Variants in WNK2 observed in about 807,000 individuals in gnomAD.
The protein encoded by WNK2 is WNK lysine deficient protein kinase 2.
Under a neutral mutation model 192.1 loss-of-function variants are expected in WNK2, and 67 were observed. The observed-to-expected ratio is 0.35, with a 90% CI of 0.29 to 0.43. The LOEUF is 0.43. WNK2 is among the 20% of genes least tolerant of loss of function. WNK2 has a pLI of 1.00. For synonymous variants in WNK2, 1,439 were observed against 1,393.9 expected, an observed-to-expected ratio of 1.03 and a Z score of -0.72; for missense variants, 2,698 against 3,089.7, an observed-to-expected ratio of 0.87 and a Z score of 3.01.
At chr9:93,230,811 C>A in intron 3 of WNK2, 77 bp from the exon 4 acceptor site, 1 of 1,291,690 alleles carries the variant, frequency 7.7e-7, no homozygotes, top group Non-Finnish European at 1.1e-6. Context: ...CAGGCCTAAG[C>A]AGTGTTAGGT....
At chr9:93,238,393 T>C in intron 6 of WNK2, 72 bp downstream of exon 6, 1 of 1,442,918 alleles carries the variant, frequency 6.9e-7, no homozygotes, top group South Asian at 1.2e-5. Context: ...CATTGAGAGC[T>C]GTGTTCTTGA....
intron 19 of WNK2, among the ~76,000 whole-genome samples, chr9:93,273,172 T>C (rs972794909): frequency 6.6e-6 from 1 of 152,224 alleles, no homozygotes; most frequent in South Asian, 2.1e-4. Context: ...AGTTAGTTAG[T>C]TTTTGAGATG....
chr9:93,253,059 G>T lies in WNK2; in HGVS notation c.2011G>T (p.Ala671Ser). Reference protein sequence around the residue: ...VLPQSLPSLGAYQQPTAAPGL... With the variant: ...VLPQSLPSLGSYQQPTAAPGL... ...GCCGCAGAGCCTGCCCTCGCTGGGG[G>T]CCTACCAGCAGCCCACGGCTGCAGT... The change falls in exon 9 of 30, where the codon GCC becomes TCC. Residue 671 changes from alanine (A) to serine (S), a missense_variant. Coordinates refer to ENST00000427277, the MANE Select transcript of WNK2 (RefSeq NM_006648.4). 1 of 1,500,020 alleles carries T rather than the reference G, an allele frequency of 6.7e-7. No homozygotes were observed. The highest frequency in any genetic ancestry group is 8.9e-7 in the Non-Finnish European group (1 of 1,124,952). 92.9% of individuals were successfully genotyped at this position (1,500,020 alleles called of 1,614,324 possible).
At chr9:93,192,023 CA>C (rs372840629) in intron 2 of WNK2, among the ~76,000 whole-genome samples, 9 of 140,992 alleles carry the variant, frequency 6.4e-5, no homozygotes, top group Admixed American at 1.4e-4. Context: ...GACTCCGTCT[CA>C]AAAAAAAAAG....
At position 93,268,014 on chromosome 9, in the gene WNK2, A is replaced by G. The variant is rs147401454; in HGVS notation, c.3868-6A>G. On this transcript the variant is annotated splice_polypyrimidine_tract_variant and splice_region_variant and intron_variant, in intron 17 of 29. Coordinates refer to ENST00000427277, the MANE Select transcript of WNK2 (RefSeq NM_006648.4). ...GGGCTCATTTCTGACCCTCCACCTCATTCAGGAGAGCCGACAATCCCAAGC... is the reference window on the plus strand; with the variant it reads ...GGGCTCATTTCTGACCCTCCACCTCGTTCAGGAGAGCCGACAATCCCAAGC... 2,108 of 1,611,510 alleles carry G rather than the reference A, an allele frequency of 1.3e-3. 26 individuals carry two copies. In the African/African-American group the frequency reaches 0.025, roughly 19 times the overall value.
chr9:93,289,090 G>A lies in WNK2; in HGVS notation c.4336G>A (p.Val1446Met). Residue 1446 changes from valine to methionine, a missense_variant, in exon 20 of 30, where the codon GTG becomes ATG. Val to Met is a conservative substitution (Grantham distance 21, BLOSUM62 1). This residue lies in a region of WNK2 where 1,098 missense variants were observed against 1,101.0 expected (regional missense o/e 1.00). Coordinates refer to ENST00000427277, the MANE Select transcript of WNK2 (RefSeq NM_006648.4). ...GGAGACTCACGAGGCCCCGCTTGCTGTGCAGCCCCTCGTGGTGGGCCTAGC... is the reference window on the plus strand; with the variant it reads ...GGAGACTCACGAGGCCCCGCTTGCTATGCAGCCCCTCGTGGTGGGCCTAGC... ...LAETHEAPLA[V>M]QPLVVGLAPC... 1 of 1,608,326 alleles carries A rather than the reference G, an allele frequency of 6.2e-7. No individual in the cohort carries two copies. The highest frequency in any genetic ancestry group is 2.2e-5 in the East Asian group (1 of 44,680).
At position 93,206,358 on chromosome 9, in the gene WNK2, A is replaced by G. The variant is rs1587866980; in HGVS notation, c.681+20748A>G. Among the ~76,000 whole-genome samples, 11 of 152,210 alleles carry G rather than the reference A, an allele frequency of 7.2e-5. No homozygotes were observed. The South Asian group carries it at 2.3e-3, about 32-fold the overall frequency. ...CACGTGGACCTAGGGTGCTGGGGGA[A>G]ACCCCCACCCCTTCACCGCCCTGGC... On this transcript the variant is annotated intron_variant, in intron 2 of 29. Coordinates refer to ENST00000427277, the MANE Select transcript of WNK2 (RefSeq NM_006648.4).
chr9:93,266,403 G>A (rs10761204), intron 16 of WNK2, among the ~76,000 whole-genome samples: 45,763 of 152,166 alleles, frequency 0.3, 7,070 homozygotes, highest in South Asian at 0.52. Flanking sequence ...TGTATTTTTA[G>A]ATTTTTATTT....
In WNK2 at chr9:93,300,138, C is replaced by T. The variant is rs752239348; in HGVS notation, c.6203C>T (p.Ser2068Phe). The T allele has an allele frequency of 6.2e-7, 1 of 1,612,352 alleles. No homozygotes were observed. The change falls in exon 26 of 30, where the codon TCT becomes TTT. Residue 2068 changes from serine (S) to phenylalanine (F), a missense_variant. Around this residue, in one of 7 missense-constraint regions of WNK2, gnomAD observed 29 missense variants for 55.6 expected, o/e 0.52. Transcript: ENST00000427277. ...PRARFLSGPV[S>F]VSIWSALKRL... is the part of the protein sequence containing the mutation. The stretch of plus-strand genomic sequence containing the variant: ...GCTCGATTCCTCAGTGGACCCGTAT[C>T]TGTGTCCATCTGTCTGTATTTGTTC...
At chr9:93,255,562 A>G (rs941027079) in intron 9 of WNK2, among the ~76,000 whole-genome samples, 4 of 152,158 alleles carry the variant, frequency 2.6e-5, no homozygotes, top group South Asian at 4.1e-4. Flanking sequence ...AGTTTTGGGC[A>G]TGCCATCACT....
At position 93,253,006 on chromosome 9, in the gene WNK2, G is replaced by C. The variant is rs1354297324; in HGVS notation, c.1958G>C (p.Ser653Thr). Residue 653 changes from serine (S) to threonine (T), a missense_variant, in exon 9 of 30, where the codon AGC becomes ACC. Around this residue, in one of 7 missense-constraint regions of WNK2, gnomAD observed 893 missense variants for 909.0 expected, o/e 0.98. Transcript: ENST00000427277. ...CCGTCCCCGGCCCAGTGTGTGTGCA[G>C]CCCCCCTGTGAGCGAGGGGCCCGTC... ...AAPSPAQCVC[S>T]PPVSEGPVLP... is the part of the protein sequence containing the mutation. The C allele has an allele frequency of 1.9e-6, 3 of 1,558,526 alleles. No homozygotes were observed. The highest frequency in any genetic ancestry group is 2.5e-5 in the East Asian group (1 of 40,566).
At chr9:93,236,118 C>T (rs898335945) in intron 5 of WNK2, among the ~76,000 whole-genome samples, 1 of 152,122 alleles carries the variant, frequency 6.6e-6, no homozygotes, top group Admixed American at 6.5e-5. Flanking sequence ...CAGCGGCCCT[C>T]CAGGGAGGCA....
chr9:93,196,959 C>A (rs1048871292), intron 2 of WNK2, among the ~76,000 whole-genome samples: 1 of 152,210 alleles, frequency 6.6e-6, no homozygotes, highest in African/African-American at 2.4e-5. Context: ...CTGTCCACAG[C>A]TCCCACACCC....
chr9:93,289,684 C>G, intron 20 of WNK2, 64 bp downstream of exon 20: 1 of 1,402,196 alleles, frequency 7.1e-7, no homozygotes, highest in East Asian at 2.5e-5. Context: ...GGGCGCAGGC[C>G]CGGGGGTGGG....
Position 93,299,192 on chromosome 9 carries a change from G to T in WNK2, c.6046G>T (p.Val2016Phe). 6.2e-7 allele frequency: 1 copy of T among 1,604,278 alleles called. No individual in the cohort carries two copies. Among genetic ancestry groups the T allele is most frequent in the Non-Finnish European group, 8.5e-7 (1 of 1,173,566 alleles). ...KAVQTQQPCS[V>F]RASLSSDICS... Reference sequence around the variant, plus strand: ...AGTGCAGACCCAGCAGCCCTGCTCCGTCCGGGCCTCCCTGTCTTCGGACAT... The same window carrying T: ...AGTGCAGACCCAGCAGCCCTGCTCCTTCCGGGCCTCCCTGTCTTCGGACAT... Residue 2016 changes from valine to phenylalanine, a missense_variant, in exon 25 of 30, where the codon GTC becomes TTC. Coordinates refer to ENST00000427277, the MANE Select transcript of WNK2 (RefSeq NM_006648.4).
intron 2 of WNK2, among the ~76,000 whole-genome samples, chr9:93,186,677 C>T (rs561411616): frequency 2.0e-5 from 3 of 152,234 alleles, no homozygotes; most frequent in Non-Finnish European, 4.4e-5. Context: ...AAGTGGGATT[C>T]AATTGCTATA....
chr9:93,185,645 A>T, intron 2 of WNK2, 35 bp downstream of exon 2: 3 of 1,588,256 alleles, frequency 1.9e-6, no homozygotes, highest in Non-Finnish European at 2.6e-6. Flanking sequence ...GGCTTTCCGC[A>T]GGGTCTGTCC....
At chr9:93,284,459 C>CA (rs548966154) in intron 19 of WNK2, among the ~76,000 whole-genome samples, 100 of 152,038 alleles carry the variant, frequency 6.6e-4, no homozygotes, top group Non-Finnish European at 1.3e-3. Context: ...TCTGTTTTTA[C>CA]AAAAAACAAA....
At chr9:93,211,290 A>ACATT (rs1563998014) in intron 2 of WNK2, among the ~76,000 whole-genome samples, 31 of 106,618 alleles carry the variant, frequency 2.9e-4, no homozygotes, top group South Asian at 6.5e-4. Flanking sequence ...ACTCACTCAT[A>ACATT]CACTCAGTCA....
Sources: gnomAD v4.1 joint callset for allele counts (sites outside exome capture counted in the v4.1 genomes callset) on GRCh38, gnomAD v4.1.1 for gene constraint, gnomAD v4.1.1 regional missense constraint, MANE v1.5 for transcripts, NCBI Gene and HGNC (gene_info 2026-07-23, HGNC 2026-07-21) for gene names.